The following SNX24 variants were observed in gnomAD, a reference collection of about 807,000 sequenced individuals.
The protein encoded by SNX24 is sorting nexin 24, also known as sorting nexin-24.
SNX24 carries 22 observed loss-of-function variants against 28.7 expected under a neutral mutation model. The ratio of observed to expected loss-of-function variants is 0.77; its 90% CI spans 0.55 to 1.10. The LOEUF is 1.10. SNX24 is among the 50% of genes least tolerant of loss of function. SNX24 has a pLI of 0.00. For synonymous variants in SNX24, 69 were observed against 71.5 expected (o/e 0.96, Z 0.18); for missense variants, 221 against 201.1 (o/e 1.10, Z -0.60).
intron 1 of SNX24, among the ~76,000 whole-genome samples, chr5:122,931,586 T>C (rs1758959394): frequency 6.6e-6 from 1 of 152,126 alleles, no homozygotes; most frequent in Non-Finnish European, 1.5e-5. Flanking sequence ...CTTGTTCTAA[T>C]GAACAAGTAT....
chr5:122,901,884 A>G (rs1757463265), intron 1 of SNX24, among the ~76,000 whole-genome samples: 1 of 152,154 alleles, frequency 6.6e-6, no homozygotes, highest in African/African-American at 2.4e-5. Flanking sequence ...CTGTGGTAGA[A>G]CATCCTAATT....
chr5:123,024,039 G>T (rs1762813460), intron 5 of SNX24: 1 of 1,592,988 alleles, frequency 6.3e-7, no homozygotes, highest in African/African-American at 1.3e-5. Flanking sequence ...GTTTAATTCT[G>T]ACCAGCAGCT....
At chr5:123,010,317 G>A (rs546805096), downstream of SNX24, among the ~76,000 whole-genome samples, 30 of 151,148 alleles carry the variant, frequency 2.0e-4, no homozygotes, top group African/African-American at 6.6e-4. Flanking sequence ...TGAAGACGGA[G>A]TCTTGCTCTG....
At chr5:122,946,982 G>C (rs1382140080) in intron 3 of SNX24, among the ~76,000 whole-genome samples, 1 of 152,166 alleles carries the variant, frequency 6.6e-6, no homozygotes, top group Non-Finnish European at 1.5e-5. Flanking sequence ...AACCCATCTT[G>C]GTAAGGGCCA....
At chr5:122,934,195 G>A (rs780712194) in intron 1 of SNX24, among the ~76,000 whole-genome samples, 25 of 152,052 alleles carry the variant, frequency 1.6e-4, no homozygotes, top group Admixed American at 6.6e-4. Flanking sequence ...TCCCAGCGCC[G>A]TCCTGGAGGC....
rs762679170 is a variant in SNX24 at position 123,029,200 on chromosome 5, G to T, written n.384-38G>T. 6 of 1,582,752 alleles carry T rather than the reference G, an allele frequency of 3.8e-6. No homozygotes were observed. The Admixed American group carries it at 5.3e-5, about 14-fold the overall frequency. On this transcript the variant is annotated intron_variant and non_coding_transcript_variant, in intron 5 of 5. Coordinates refer to the SNX24 transcript ENST00000502387. Reference sequence around the variant, plus strand: ...GGAAAATAAAGTCAAATGTGGTAAGGTTCATCTGACATACTAATTTAATAC... The same window carrying T: ...GGAAAATAAAGTCAAATGTGGTAAGTTTCATCTGACATACTAATTTAATAC...
chr5:122,982,335 G>A (rs1761428091), intron 3 of SNX24, among the ~76,000 whole-genome samples: 2 of 152,116 alleles, frequency 1.3e-5, no homozygotes, highest in Non-Finnish European at 1.5e-5. Flanking sequence ...TCTGCATTTA[G>A]CATGTAAAAT....
At chr5:122,908,445 A>G (rs573413658) in intron 1 of SNX24, among the ~76,000 whole-genome samples, 4 of 152,346 alleles carry the variant, frequency 2.6e-5, no homozygotes, top group African/African-American at 9.6e-5. Context: ...CTTTTCCCAT[A>G]TAAACACGAA....
chr5:122,997,411 G>A (rs879324444), intron 3 of SNX24, among the ~76,000 whole-genome samples: 4 of 152,136 alleles, frequency 2.6e-5, no homozygotes, highest in South Asian at 2.1e-4. Flanking sequence ...TATATCTTAC[G>A]TAAAGCAATG....
At chr5:122,861,929 T>C (rs1459574053) in intron 1 of SNX24, among the ~76,000 whole-genome samples, 1 of 152,188 alleles carries the variant, frequency 6.6e-6, no homozygotes, top group African/African-American at 2.4e-5. Flanking sequence ...CATCTGATTA[T>C]TGAGGTTACA....
At chr5:122,966,036 T>C (rs868739487) in intron 3 of SNX24, among the ~76,000 whole-genome samples, 3 of 152,308 alleles carry the variant, frequency 2.0e-5, no homozygotes, top group South Asian at 2.1e-4. Flanking sequence ...AAAAGGAAAA[T>C]TGATTAAATG....
chr5:123,027,802 T>C (rs1229406166), intron 5 of SNX24, among the ~76,000 whole-genome samples: 2 of 152,228 alleles, frequency 1.3e-5, no homozygotes, highest in African/African-American at 2.4e-5. Flanking sequence ...ATTAAAAATC[T>C]TAAATCTAAA....
At chr5:122,874,191 A>G (rs1303889550) in intron 1 of SNX24, among the ~76,000 whole-genome samples, 1 of 152,250 alleles carries the variant, frequency 6.6e-6, no homozygotes, top group Admixed American at 6.5e-5. Flanking sequence ...TTAAATATGA[A>G]CAAATTATTA....
chr5:122,984,328 C>T (rs1282304141), intron 3 of SNX24, among the ~76,000 whole-genome samples: 2 of 152,054 alleles, frequency 1.3e-5, no homozygotes, highest in South Asian at 2.1e-4. Flanking sequence ...TTTTAAACTT[C>T]AATCTATCAG....
intron 1 of SNX24, among the ~76,000 whole-genome samples, chr5:122,889,349 T>G (rs922958287): frequency 9.2e-5 from 14 of 151,986 alleles, no homozygotes; most frequent in Non-Finnish European, 1.9e-4. Flanking sequence ...TCTATCTGTA[T>G]AGATGTATAC....
chr5:122,862,071 G>A (rs1339423627), intron 1 of SNX24, among the ~76,000 whole-genome samples: 1 of 152,192 alleles, frequency 6.6e-6, no homozygotes, highest in Non-Finnish European at 1.5e-5. Flanking sequence ...GTGGAAGTTT[G>A]CCAGTTTGAG....
intron 1 of SNX24, among the ~76,000 whole-genome samples, chr5:122,870,106 C>T (rs1468324173): frequency 1.3e-5 from 2 of 152,122 alleles, no homozygotes; most frequent in African/African-American, 4.8e-5. Flanking sequence ...GAGTAAAAAG[C>T]ATTTTGCTTG....
chr5:123,004,524 C>T (rs1297876680), intron 6 of SNX24, among the ~76,000 whole-genome samples: 1 of 152,212 alleles, frequency 6.6e-6, no homozygotes, highest in Non-Finnish European at 1.5e-5. Context: ...CACTACACTT[C>T]CTTTCAGATA....
chr5:122,866,431 G>C (rs953753142), intron 1 of SNX24, among the ~76,000 whole-genome samples: 7 of 152,298 alleles, frequency 4.6e-5, no homozygotes, highest in African/African-American at 1.7e-4. Context: ...TTACAGGTGT[G>C]AGCCACCACG....
Sources: gnomAD v4.1 joint callset for allele counts (sites outside exome capture counted in the v4.1 genomes callset) on GRCh38, gnomAD v4.1.1 for gene constraint, MANE v1.5 for transcripts, NCBI Gene and HGNC (gene_info 2026-07-23, HGNC 2026-07-21) for gene names.